Variants in APOL3 observed in about 807,000 individuals in gnomAD.
APOL3 encodes apolipoprotein L3.
A neutral mutation model predicts 11.6 loss-of-function variants in APOL3; 14 were observed. That is an observed-to-expected ratio of 1.21 (90% CI 0.80 to 1.89). APOL3 has a LOEUF of 1.89. Among genes scored for constraint, APOL3 ranks in the 40% most tolerant of loss-of-function variants. The pLI is 0.00. For synonymous variants in APOL3, 192 were observed against 190.6 expected, an observed-to-expected ratio of 1.01 and a Z score of -0.06; for missense variants, 483 against 492.1, an observed-to-expected ratio of 0.98 and a Z score of 0.17.
chr22:36,158,120 C>T (rs1044661087), intron 1 of APOL3, among the ~76,000 whole-genome samples: 6 of 152,068 alleles, frequency 3.9e-5, no homozygotes, highest in African/African-American at 1.2e-4. Flanking sequence ...TAGAAATTAA[C>T]GTTAACCATA....
At chr22:36,145,385 G>C (rs980652229) in intron 2 of APOL3, 88 bp downstream of exon 3, 2 of 1,502,950 alleles carry the variant, frequency 1.3e-6, no homozygotes, top group Non-Finnish European at 9.0e-7. Context: ...CTGCCTGGAG[G>C]AGGTGTGCCT....
chr22:36,145,936 C>T (rs2060186804), intron 1 of APOL3, among the ~76,000 whole-genome samples: 1 of 151,522 alleles, frequency 6.6e-6, no homozygotes, highest in South Asian at 2.1e-4. Flanking sequence ...CCACCCCGCC[C>T]TCGCTGTCTC....
Position 36,154,352 on chromosome 22 carries a change from T to A in APOL3, c.223+6317A>T, listed in dbSNP as rs187315199. 1.6e-3 allele frequency: 442 copies of A among 276,044 alleles called. 5 individuals are homozygous for A. The highest frequency in any genetic ancestry group is 9.0e-3 in the South Asian group (245 of 27,358). 17.1% of individuals were successfully genotyped at this position (276,044 alleles called of 1,614,324 possible). A position where few individuals can be genotyped will look rare whatever the true frequency, so the allele number is the denominator to read the frequency against. On this transcript the variant is annotated intron_variant, in intron 1 of 2. Transcript: ENST00000349314. ...TCATGTTTACTTGGTCCAAGATGAA[T>A]CTGTGAAAGGCCTTGGGTTGATACT...
At chr22:36,163,781 G>T (rs146685705), upstream of APOL3, among the ~76,000 whole-genome samples, 479 of 152,346 alleles carry the variant, frequency 3.1e-3, 1 homozygote, top group African/African-American at 0.011. Context: ...TGGATTGCCA[G>T]CTGCATCCAC....
intron 2 of APOL3, 145 bp from the exon 4 acceptor site, chr22:36,142,203 A>T (rs1320814645): frequency 7.1e-6 from 7 of 991,678 alleles, no homozygotes; most frequent in African/African-American, 6.5e-5. Context: ...GGAAAAATTT[A>T]AAATAATTTT....
At chr22:36,155,148 GCAA>G in intron 1 of APOL3, among the ~76,000 whole-genome samples, 1 of 152,272 alleles carries the variant, frequency 6.6e-6, no homozygotes, top group South Asian at 2.1e-4. Context: ...TAGTGAGGAG[GCAA>G]CAACAAGCCC....
chr22:36,151,042 G>A (rs2060412907), intron 1 of APOL3, among the ~76,000 whole-genome samples: 1 of 152,182 alleles, frequency 6.6e-6, no homozygotes, highest in Admixed American at 6.5e-5. Context: ...ATTCAGCCAA[G>A]AATTGCCTGC....
intron 1 of APOL3, among the ~76,000 whole-genome samples, chr22:36,151,363 C>A (rs915557825): frequency 6.6e-6 from 1 of 151,786 alleles, no homozygotes; most frequent in Admixed American, 6.6e-5. Flanking sequence ...TGGATGATTG[C>A]GAAAATAGAA....
chr22:36,141,113 GC>G, exon 3 of APOL3: 3 of 1,527,940 alleles, frequency 2.0e-6, no homozygotes, highest in Non-Finnish European at 2.6e-6. Flanking sequence ...ACTTTACCTT[GC>G]CCTCTTTATC....
intron 1 of APOL3, among the ~76,000 whole-genome samples, chr22:36,147,764 AT>A (rs1180470632): frequency 2.0e-5 from 3 of 152,218 alleles, no homozygotes; most frequent in African/African-American, 7.2e-5. Flanking sequence ...AGATCTGTGT[AT>A]TTATTGCTGG....
chr22:36,151,740 T>TC lies in APOL3; in HGVS notation c.224-6142dup, dbSNP rs2011720715. ...AGGGTAAGCAGGAGAATTCTTTGAG[T>TC]CCAGGAGTTCTAGACCAGTATGGGC... On this transcript the variant is annotated intron_variant, in intron 1 of 2. Transcript: ENST00000349314. 4.6e-5 allele frequency among the ~76,000 whole-genome samples: 7 copies of TC among 152,240 alleles called. No individual in the cohort carries two copies. The South Asian group carries it at 1.5e-3, about 32-fold the overall frequency.
At chr22:36,158,943 T>C (rs1439821537) in intron 1 of APOL3, among the ~76,000 whole-genome samples, 1 of 151,156 alleles carries the variant, frequency 6.6e-6, no homozygotes, top group African/African-American at 2.4e-5. Context: ...TGAAGTGAAA[T>C]CTGAATAGCA....
At chr22:36,149,453 A>C in intron 1 of APOL3, 1 of 1,208,866 alleles carries the variant, frequency 8.3e-7, no homozygotes, top group Non-Finnish European at 1.1e-6. Flanking sequence ...TATACACCGA[A>C]ATAGAGATGG....
chr22:36,156,044 CAG>C, intron 1 of APOL3: 149 of 245,652 alleles, frequency 6.1e-4, no homozygotes, highest in South Asian at 1.8e-3. Context: ...CCTCCTTAGG[CAG>C]AGAGAGAGGG....
At chr22:36,160,638 G>A (rs372581545) in intron 1 of APOL3, 31 bp downstream of exon 1, 2 of 1,604,118 alleles carry the variant, frequency 1.2e-6, no homozygotes, top group African/African-American at 1.3e-5. Context: ...AGGATGGGGA[G>A]ATGGGGAAGG....
rs764530191 is a variant in APOL3, at chr22:36,145,458, C to A, written c.350+15G>T. ...TAGCCGGGGCGCCCCATGGAGGTAA[C>A]CCCACGGAGGTTACCTGGGCAATTC... is the stretch of plus-strand genomic sequence containing the variant. On this transcript the variant is annotated intron_variant, in intron 2 of 2. Coordinates refer to ENST00000349314, the Ensembl canonical transcript of APOL3. 24 of 1,613,406 alleles carry A rather than the reference C, an allele frequency of 1.5e-5. No homozygotes were observed. The highest frequency in any genetic ancestry group is 1.3e-4 in the South Asian group (12 of 90,976).
At chr22:36,157,386 T>C (rs915611204) in intron 1 of APOL3, among the ~76,000 whole-genome samples, 1 of 152,226 alleles carries the variant, frequency 6.6e-6, no homozygotes, top group Non-Finnish European at 1.5e-5. Context: ...TTGTCTGTAG[T>C]AGGTACCCAT....
chr22:36,142,757 T>C (rs2060045511), intron 2 of APOL3, among the ~76,000 whole-genome samples: 1 of 152,154 alleles, frequency 6.6e-6, no homozygotes, highest in Non-Finnish European at 1.5e-5. Flanking sequence ...CATTGAGGCA[T>C]AGGTTGAGAA....
At chr22:36,140,435 T>C (rs1410676113) in exon 3 of APOL3, 1 of 152,280 alleles carries the variant, frequency 6.6e-6, no homozygotes, top group African/African-American at 2.4e-5. Context: ...GTTAATTTTC[T>C]GTCTCTTTGC....
Sources: allele counts gnomAD v4.1 joint callset (sites outside exome capture counted in the v4.1 genomes callset), GRCh38; gene constraint gnomAD v4.1.1; transcripts MANE v1.5; gene names NCBI Gene and HGNC (gene_info 2026-07-23, HGNC 2026-07-21).